KAT6B: variants seen among roughly 807,000 people sequenced by gnomAD.
The protein encoded by KAT6B is lysine acetyltransferase 6B.
KAT6B carries 10 observed loss-of-function variants against 187.5 expected under a neutral mutation model. The ratio of observed to expected loss-of-function variants is 0.05; its 90% confidence interval spans 0.03 to 0.09. KAT6B has a LOEUF of 0.09. KAT6B is among the 10% of genes least tolerant of loss of function. The probability of loss-of-function intolerance (pLI) is 1.00; values close to 1 mark genes in which losing one functional copy is unlikely to be tolerated. For missense variants in KAT6B, 1,952 were observed against 2,558.9 expected (o/e 0.76, Z 5.12); for synonymous variants, 861 against 926.8 (o/e 0.93, Z 1.29).
chr10:75,024,984 G>C lies in KAT6B; in HGVS notation c.3399G>C (p.Arg1133Ser), dbSNP rs1231152870. The C allele has an allele frequency of 9.3e-6, 15 of 1,613,998 alleles. No individual in the cohort carries two copies. Among genetic ancestry groups the C allele is most frequent in the Non-Finnish European group, 1.2e-5 (14 of 1,180,026 alleles). Reference protein sequence around the residue: ...RKRPFVLKKKRGRKRRRINSS... With the variant: ...RKRPFVLKKKSGRKRRRINSS... ...GGCCTTTTGTACTAAAGAAGAAAAG[G>C]GGTCGTAAACGCAGGAGGATCAACA... The change falls in exon 17 of 18, where the codon AGG becomes AGC. Residue 1133 changes from arginine (R) to serine (S), a missense_variant. By Grantham distance (110) the Arg-to-Ser change is moderately radical. This residue lies in a region of KAT6B where 758 missense variants were observed against 891.4 expected (regional missense o/e 0.85). Transcript: ENST00000287239.
In KAT6B at chr10:75,029,399, A is replaced by G. The variant is rs367789559; in HGVS notation, c.4575A>G (p.Thr1525=). The change falls in exon 18 of 18, where the codon ACA becomes ACG. Residue 1525 remains threonine, a synonymous_variant. Transcript: ENST00000287239. This position sits in a 1 kb window ranked among gnomAD's most constrained non-coding sequence, Gnocchi z 6.2. ...QDQKNSKEVD[T]EFKEGNPATM... is the part of the protein sequence containing the mutation. Reference sequence around the variant, plus strand: ...AAAAGAACAGCAAGGAAGTCGATACAGAGTTCAAAGAGGGAAACCCAGCAA... The same window carrying G: ...AAAAGAACAGCAAGGAAGTCGATACGGAGTTCAAAGAGGGAAACCCAGCAA... 12 of 1,614,188 alleles carry G rather than the reference A, an allele frequency of 7.4e-6. No homozygotes were observed. The African/African-American group carries it at 1.1e-4, about 14-fold the overall frequency.
rs138320911 is a variant in KAT6B at position 74,964,124 on chromosome 10, T to C, written c.730+4046T>C. On this transcript the variant is annotated intron_variant, in intron 4 of 17. Transcript: ENST00000287239. ...CCAGCCTAGGTGACAAGAGTGAAAC[T>C]CTGTCTCAAAAAATAAAAATAAAAA... is the stretch of plus-strand genomic sequence containing the variant. Among the ~76,000 whole-genome samples, 873 of 152,086 alleles carry C rather than the reference T, an allele frequency of 5.7e-3. 8 individuals carry two copies. The highest frequency in any genetic ancestry group is 0.025 in the South Asian group (118 of 4,814).
At chr10:74,833,134 C>G (rs1024221251) in intron 1 of KAT6B, among the ~76,000 whole-genome samples, 6 of 52,320 alleles carry the variant, frequency 1.1e-4, no homozygotes, top group Non-Finnish European at 1.9e-4. Flanking sequence ...GACTCTGTCT[C>G]AAAAAAAAAA....
intron 13 of KAT6B, among the ~76,000 whole-genome samples, chr10:75,013,925 G>C (rs562010576): frequency 6.6e-6 from 1 of 152,106 alleles, no homozygotes; most frequent in South Asian, 2.1e-4. Flanking sequence ...ACGATCTGTC[G>C]TATTGTATGC....
chr10:75,025,331 T>C (rs1441402883), intron 17 of KAT6B, 82 bp downstream of exon 17: 5 of 1,422,076 alleles, frequency 3.5e-6, no homozygotes, highest in Non-Finnish European at 4.9e-6. Flanking sequence ...TCTGGCGTGA[T>C]GCCCAGAGGC....
At chr10:75,026,483 CT>C (rs1845846323) in intron 17 of KAT6B, among the ~76,000 whole-genome samples, 1 of 152,144 alleles carries the variant, frequency 6.6e-6, no homozygotes, top group African/African-American at 2.4e-5. Context: ...ATCACTCTAG[CT>C]TTTGAAAAGC....
rs1841824390 is a variant in KAT6B, at chr10:74,842,596, T to G, written c.-258-4T>G. ...GAGACTTTCCCCTCTTTTTATCCTTTAAGGTCTTGATTTCCCAGTTAAAGA... is the reference window on the plus strand; with the variant it reads ...GAGACTTTCCCCTCTTTTTATCCTTGAAGGTCTTGATTTCCCAGTTAAAGA... On this transcript the variant is annotated splice_polypyrimidine_tract_variant and splice_region_variant and intron_variant, in intron 2 of 17. Transcript: ENST00000287239. 1.7e-6 allele frequency: 1 copy of G among 598,460 alleles called. No homozygotes were observed. Among genetic ancestry groups the G allele is most frequent in the Non-Finnish European group, 3.0e-6 (1 of 338,466 alleles). The allele number at this position is 598,460 out of a possible 1,614,324, so 37.1% of individuals were successfully genotyped here. A position where few individuals can be genotyped will look rare whatever the true frequency, so the allele number is the denominator to read the frequency against.
chr10:74,997,336 C>T (rs542432173), intron 13 of KAT6B, among the ~76,000 whole-genome samples: 34 of 151,296 alleles, frequency 2.2e-4, no homozygotes, highest in African/African-American at 7.5e-4. Flanking sequence ...CTGGTGGCCA[C>T]GACATTGCTG....
chr10:74,829,093 A>C (rs1294366758), intron 1 of KAT6B, among the ~76,000 whole-genome samples: 1 of 152,094 alleles, frequency 6.6e-6, no homozygotes, highest in Admixed American at 6.5e-5. Flanking sequence ...GCTGATGGTC[A>C]TGACACGGTC....
At chr10:74,926,402 C>T (rs1336478291) in intron 3 of KAT6B, among the ~76,000 whole-genome samples, 4 of 152,304 alleles carry the variant, frequency 2.6e-5, no homozygotes, top group South Asian at 2.1e-4. Context: ...TGCAGTGAGT[C>T]GAGATTGCAC....
intron 3 of KAT6B, among the ~76,000 whole-genome samples, chr10:74,858,264 A>G (rs1003606942): frequency 1.3e-5 from 2 of 151,602 alleles, no homozygotes; most frequent in East Asian, 1.9e-4. Context: ...GTTTTTAACA[A>G]TAGAAGTTTG....
Position 75,028,898 on chromosome 10 carries a change from GGAGGAA to G in KAT6B, c.4083_4088del (p.Glu1367_Glu1368del). ...CTGAGGAAGAGGAAGAGGAGGAGGA[GGAGGAA>G]GAGGAAGAAGAGGAAGAAGAGGAAG... On this transcript the variant is annotated inframe_deletion, in exon 18 of 18. Transcript: ENST00000287239. The G allele has an allele frequency of 6.2e-7, 1 of 1,609,574 alleles. No individual in the cohort carries two copies. The highest frequency in any genetic ancestry group is 8.5e-7 in the Non-Finnish European group (1 of 1,176,414).
At chr10:74,944,751 G>A (rs1227333045) in intron 3 of KAT6B, among the ~76,000 whole-genome samples, 1 of 145,342 alleles carries the variant, frequency 6.9e-6, no homozygotes, top group Non-Finnish European at 1.5e-5. Flanking sequence ...GGAGCTTGCA[G>A]TGAGCCGAGA....
chr10:75,013,967 G>GCC (rs746052450), intron 13 of KAT6B, among the ~76,000 whole-genome samples: 4 of 152,194 alleles, frequency 2.6e-5, no homozygotes, highest in Non-Finnish European at 4.4e-5. Context: ...AAATACGGGT[G>GCC]CCCTGTTACC....
chr10:74,954,827 T>C (rs1398192781), intron 3 of KAT6B, among the ~76,000 whole-genome samples: 1 of 152,204 alleles, frequency 6.6e-6, no homozygotes, highest in Non-Finnish European at 1.5e-5. Context: ...TCCTGTTTAA[T>C]TTGTTGAAGA....
chr10:74,828,581 T>G (rs1482522623), intron 1 of KAT6B, among the ~76,000 whole-genome samples: 2 of 146,410 alleles, frequency 1.4e-5, no homozygotes, highest in East Asian at 3.9e-4. Flanking sequence ...TTTTTTTTTT[T>G]TTTTGAGACG....
Position 75,029,268 on chromosome 10 carries a change from A to G in KAT6B, c.4444A>G (p.Thr1482Ala), listed in dbSNP as rs753706478. ...EVLMDCGVDLTASCNSEPKEL... is the reference protein window; with the variant it reads ...EVLMDCGVDLAASCNSEPKEL... ...CTTAATGGACTGTGGCGTCGACCTGACAGCTTCTTGTAACAGTGAGCCCAA... is the reference window on the plus strand; with the variant it reads ...CTTAATGGACTGTGGCGTCGACCTGGCAGCTTCTTGTAACAGTGAGCCCAA... The change falls in exon 18 of 18, where the codon ACA becomes GCA. Residue 1482 changes from threonine to alanine, a missense_variant. By Grantham distance (58) the Thr-to-Ala change is moderately conservative. Around this residue, in one of 9 missense-constraint regions of KAT6B, gnomAD observed 758 missense variants for 891.4 expected, o/e 0.85. Coordinates refer to ENST00000287239, the MANE Select transcript of KAT6B (RefSeq NM_012330.4). This position sits in a 1 kb window ranked among gnomAD's most constrained non-coding sequence, Gnocchi z 6.2. 1 of 1,614,146 alleles carries G rather than the reference A, an allele frequency of 6.2e-7. No individual in the cohort carries two copies. The highest frequency in any genetic ancestry group is 1.1e-5 in the South Asian group (1 of 91,070).
At chr10:75,004,763 G>A (rs1189469965) in intron 13 of KAT6B, among the ~76,000 whole-genome samples, 6 of 152,078 alleles carry the variant, frequency 3.9e-5, no homozygotes, top group Admixed American at 6.5e-5. Context: ...GTACAGTGGC[G>A]TGATCATAGC....
intron 3 of KAT6B, among the ~76,000 whole-genome samples, chr10:74,905,266 T>A (rs1186447065): frequency 6.6e-6 from 1 of 152,214 alleles, no homozygotes; most frequent in East Asian, 1.9e-4. Context: ...TTGTGAGAGA[T>A]CATTGCCTCA....
Sources: allele counts gnomAD v4.1 joint callset (sites outside exome capture counted in the v4.1 genomes callset), GRCh38; gene constraint gnomAD v4.1.1; regional missense constraint gnomAD v4.1.1; non-coding constraint Gnocchi (gnomAD v3.1); transcripts MANE v1.5; gene names NCBI Gene and HGNC (gene_info 2026-07-23, HGNC 2026-07-21).